Variants in USP4 observed in about 807,000 individuals in gnomAD.
USP4 encodes ubiquitin carboxyl-terminal hydrolase 4.
Under a neutral mutation model 118.2 loss-of-function variants are expected in USP4, and 72 were observed. The ratio of observed to expected loss-of-function variants is 0.61; its 90% CI spans 0.50 to 0.74. The LOEUF (loss-of-function observed/expected upper bound fraction) is 0.74, where lower values mean the gene tolerates loss of function less well. Among genes scored for constraint, USP4 ranks in the 30% least tolerant of loss-of-function variants. The pLI, the probability that USP4 is intolerant of heterozygous loss-of-function variation, is 0.00. For missense variants in USP4, 1,037 were observed against 1,185.7 expected, an observed-to-expected ratio of 0.87 and a Z score of 1.84; for synonymous variants, 415 against 440.4, an observed-to-expected ratio of 0.94 and a Z score of 0.72.
intron 16 of USP4, 142 bp downstream of exon 16, chr3:49,285,956 T>C: frequency 2.6e-6 from 2 of 763,584 alleles, no homozygotes; most frequent in Non-Finnish European, 4.2e-6. Context: ...CTTAGGGGGC[T>C]TCAAGCCAAG....
Position 49,337,090 on chromosome 3 carries a change from C to T in USP4, c.102-1494G>A, listed in dbSNP as rs565537385. Among the ~76,000 whole-genome samples the T allele has an allele frequency of 9.4e-4, 143 of 151,916 alleles. 1 individual carries two copies. The highest frequency in any genetic ancestry group is 2.2e-3 in the Admixed American group (33 of 15,222). ...CTTGAGCTCAGGAGTTCAAGACCAG[C>T]CTGGGCAACAAACCCCATCTCTACT... On this transcript the variant is annotated intron_variant, in intron 1 of 21. Transcript: ENST00000265560.
intron 6 of USP4, among the ~76,000 whole-genome samples, chr3:49,314,350 C>G (rs763363618): frequency 5.3e-5 from 8 of 152,214 alleles, no homozygotes; most frequent in Non-Finnish European, 8.8e-5. Flanking sequence ...GTACCCTTCT[C>G]TAATCCTAAA....
At chr3:49,317,302 A>C in intron 6 of USP4, 2 of 1,462,844 alleles carry the variant, frequency 1.4e-6, no homozygotes, top group Non-Finnish European at 1.9e-6. Context: ...GACGCAGGCC[A>C]GCTTCTCTGT....
In USP4 at chr3:49,329,638, G is replaced by A. The variant is rs181350877; in HGVS notation, c.230-1822C>T. On this transcript the variant is annotated intron_variant, in intron 2 of 21. Transcript: ENST00000265560. The stretch of plus-strand genomic sequence containing the variant: ...CTAGTCTCCAATTCCTGGGTTCAAA[G>A]GATCCACCTACTTCAGCCTGCCAAA... Among the ~76,000 whole-genome samples the A allele has an allele frequency of 5.3e-3, 802 of 152,140 alleles. 1 individual carries two copies. The highest frequency in any genetic ancestry group is 8.2e-3 in the Non-Finnish European group (560 of 68,006).
chr3:49,330,726 G>A (rs575674750), intron 2 of USP4, among the ~76,000 whole-genome samples: 28 of 152,064 alleles, frequency 1.8e-4, no homozygotes, highest in South Asian at 6.2e-4. Flanking sequence ...GCTGGAGGCC[G>A]GAGGCCGGGC....
At chr3:49,285,984 T>A in intron 16 of USP4, 114 bp downstream of exon 16, 1 of 968,608 alleles carries the variant, frequency 1.0e-6, no homozygotes, top group Non-Finnish European at 1.6e-6. Context: ...CAAGTGCTGC[T>A]CCTGGAGGCA....
intron 8 of USP4, among the ~76,000 whole-genome samples, chr3:49,307,504 G>A (rs979842752): frequency 3.2e-4 from 49 of 151,654 alleles, no homozygotes; most frequent in African/African-American, 1.2e-3. Context: ...AGCTAGGCTT[G>A]GTCTCAAACT....
chr3:49,300,439 G>A (rs773337602), intron 11 of USP4, 28 bp downstream of exon 11: 1 of 1,600,346 alleles, frequency 6.2e-7, no homozygotes, highest in East Asian at 2.2e-5. Flanking sequence ...TGCAGTGAGG[G>A]GTGCCATAAG....
Position 49,335,508 on chromosome 3 carries a change from G to A in USP4, c.190C>T (p.Leu64=). Residue 64 remains leucine (L), a synonymous_variant, in exon 2 of 22, where the codon CTA becomes TTA. Coordinates refer to ENST00000265560, the MANE Select transcript of USP4 (RefSeq NM_003363.4). Reference sequence around the variant, plus strand: ...GAGTTGTCTATTGGGCCAGGAAATAGGTTATGTTCACCCACATTGTACATG... The same window carrying A: ...GAGTTGTCTATTGGGCCAGGAAATAAGTTATGTTCACCCACATTGTACATG... ...WDMYNVGEHN[L]FPGPIDNSGL... is the part of the protein sequence containing the mutation. The A allele has an allele frequency of 1.2e-6, 2 of 1,614,206 alleles. No homozygotes were observed. Among genetic ancestry groups the A allele is most frequent in the South Asian group, 1.1e-5 (1 of 91,082 alleles).
chr3:49,325,184 T>C (rs1405064684), intron 4 of USP4, 145 bp from the exon 5 acceptor site: 17 of 1,047,288 alleles, frequency 1.6e-5, no homozygotes, highest in Non-Finnish European at 2.1e-5. Flanking sequence ...AAATCAATCA[T>C]CTCCCATGGG....
Position 49,330,335 on chromosome 3 carries a change from CT to C in USP4, c.230-2520del, listed in dbSNP as rs879439501. On this transcript the variant is annotated intron_variant, in intron 2 of 21. Transcript: ENST00000265560. Reference sequence around the variant, plus strand: ...TAGGTACATTGCAATGGAGCAGTAACTTTTTTTTTTTTGAGACAGTCTCGCT... The same window carrying C: ...TAGGTACATTGCAATGGAGCAGTAACTTTTTTTTTTTGAGACAGTCTCGCT... Among the ~76,000 whole-genome samples, 298 of 146,032 alleles carry C rather than the reference CT, an allele frequency of 2.0e-3. 3 individuals carry two copies. The highest frequency in any genetic ancestry group is 5.1e-3 in the African/African-American group (204 of 40,216).
chr3:49,312,601 A>G (rs1335673238), intron 6 of USP4: 1 of 390,766 alleles, frequency 2.6e-6, no homozygotes, highest in Admixed American at 3.1e-5. Flanking sequence ...GCCTGGGCAA[A>G]AAGAACGAAA....
chr3:49,302,305 A>G, intron 10 of USP4, 79 bp downstream of exon 10: 1 of 1,514,864 alleles, frequency 6.6e-7, no homozygotes, highest in South Asian at 1.3e-5. Flanking sequence ...ACACTCAAAG[A>G]CCAGAAGAAT....
intron 13 of USP4, among the ~76,000 whole-genome samples, chr3:49,296,615 C>T (rs2107776406): frequency 6.6e-6 from 1 of 152,290 alleles, no homozygotes; most frequent in Admixed American, 6.5e-5. Flanking sequence ...CGCCACTGCA[C>T]TCCTGCCTGG....
Position 49,278,369 on chromosome 3 carries a change from G to C in USP4, c.2816C>G (p.Ser939Cys). 1 of 1,614,150 alleles carries C rather than the reference G, an allele frequency of 6.2e-7. No homozygotes were observed. Among genetic ancestry groups the C allele is most frequent in the Non-Finnish European group, 8.5e-7 (1 of 1,180,038 alleles). Residue 939 changes from serine to cysteine, a missense_variant, in exon 22 of 22, where the codon TCT becomes TGT. Ser to Cys is a moderately radical substitution (Grantham distance 112). This residue lies in a region of USP4 where 522 missense variants were observed against 592.6 expected (regional missense o/e 0.88). Coordinates refer to ENST00000265560, the MANE Select transcript of USP4 (RefSeq NM_003363.4). Reference sequence around the variant, plus strand: ...GCTGCTTGGTCGTGTCCCTCCATCAGAGGAACCAGAACTGCTAAGTGAAGG... The same window carrying C: ...GCTGCTTGGTCGTGTCCCTCCATCACAGGAACCAGAACTGCTAAGTGAAGG... ...KTPSLSSSGSSDGGTRPSSSQ... is the reference protein window; with the variant it reads ...KTPSLSSSGSCDGGTRPSSSQ...
At chr3:49,317,564 AAC>A in intron 6 of USP4, 1 of 601,842 alleles carries the variant, frequency 1.7e-6, no homozygotes. Context: ...TTTTTGAGAC[AAC>A]AGTCTTACTC....
At position 49,335,550 on chromosome 3, in the gene USP4, C is replaced by T. The variant is rs932678885; in HGVS notation, c.148G>A (p.Gly50Ser). 1.9e-5 allele frequency: 31 copies of T among 1,614,052 alleles called. No individual in the cohort carries two copies. The highest frequency in any genetic ancestry group is 2.5e-5 in the Non-Finnish European group (29 of 1,180,046). ...TTGTACATGTCCCAGCTGTCAAAGC[C>T]CACATACTTCTTCCACTGCTTGAAC... The part of the protein sequence containing the change: ...RWFKQWKKYV[G>S]FDSWDMYNVG... Residue 50 changes from glycine (G) to serine (S), a missense_variant, in exon 2 of 22, where the codon GGC becomes AGC. By Grantham distance (56) the Gly-to-Ser change is moderately conservative (BLOSUM62 0). Around this residue, in one of 3 missense-constraint regions of USP4, gnomAD observed 487 missense variants for 534.1 expected, o/e 0.91. Coordinates refer to ENST00000265560, the MANE Select transcript of USP4 (RefSeq NM_003363.4).
At chr3:49,318,477 A>G (rs1315576573) in intron 6 of USP4, 14 of 985,478 alleles carry the variant, frequency 1.4e-5, no homozygotes, top group Non-Finnish European at 1.3e-5. Flanking sequence ...AAACAGATGG[A>G]AAGAGACAAA....
chr3:49,281,549 T>TAC (rs1240970384), intron 19 of USP4, among the ~76,000 whole-genome samples: 5 of 147,612 alleles, frequency 3.4e-5, no homozygotes, highest in East Asian at 4.0e-4. Context: ...CATTTATATA[T>TAC]ACACACACAC....
Sources: gnomAD v4.1 joint callset for allele counts (sites outside exome capture counted in the v4.1 genomes callset) on GRCh38, gnomAD v4.1.1 for gene constraint, gnomAD v4.1.1 regional missense constraint, MANE v1.5 for transcripts, NCBI Gene and HGNC (gene_info 2026-07-23, HGNC 2026-07-21) for gene names.